Variants in RIMBP2 observed in about 807,000 individuals in gnomAD.
RIMBP2 encodes the protein RIMS binding protein 2.
RIMBP2 carries 48 observed loss-of-function variants against 118.6 expected under a neutral mutation model. The observed-to-expected ratio is 0.40, with a 90% CI of 0.32 to 0.51. The LOEUF (loss-of-function observed/expected upper bound fraction) is 0.51, where lower values mean the gene tolerates loss of function less well. Among genes scored for constraint, RIMBP2 ranks in the 20% least tolerant of loss-of-function variants. The pLI, the probability that RIMBP2 is intolerant of heterozygous loss-of-function variation, is 0.41. For missense variants in RIMBP2, 1,551 were observed against 1,768.3 expected, an observed-to-expected ratio of 0.88 and a Z score of 2.20; for synonymous variants, 762 against 742.9, an observed-to-expected ratio of 1.03 and a Z score of -0.42.
At chr12:130,682,187 C>T (rs186475284) in intron 1 of RIMBP2, among the ~76,000 whole-genome samples, 2 of 152,194 alleles carry the variant, frequency 1.3e-5, no homozygotes, top group Non-Finnish European at 2.9e-5. Flanking sequence ...CTTTCCTAGA[C>T]AGACAGCCTC....
intron 2 of RIMBP2, among the ~76,000 whole-genome samples, chr12:130,533,206 C>T (rs975659211): frequency 4.6e-5 from 7 of 151,778 alleles, no homozygotes; most frequent in African/African-American, 7.3e-5. Flanking sequence ...CTAGGAGTTA[C>T]GTCTAATGAG....
At chr12:130,439,198 A>G (rs945034853) in intron 11 of RIMBP2, among the ~76,000 whole-genome samples, 6 of 82,718 alleles carry the variant, frequency 7.3e-5, no homozygotes, top group South Asian at 8.0e-4. Context: ...TAATGTGTGC[A>G]TATATGTGTA....
At chr12:130,573,915 C>T (rs965869244) in intron 2 of RIMBP2, among the ~76,000 whole-genome samples, 1 of 152,122 alleles carries the variant, frequency 6.6e-6, no homozygotes, top group African/African-American at 2.4e-5. Flanking sequence ...CCACCCACAT[C>T]CCTGCAGGCA....
rs1261684213 is a variant in RIMBP2 at position 130,646,371 on chromosome 12, C to T, written c.-351-17915G>A. Among the ~76,000 whole-genome samples the T allele has an allele frequency of 1.2e-4, 15 of 129,848 alleles. 4 individuals are homozygous for T. The highest frequency in any genetic ancestry group is 2.4e-4 in the Admixed American group (3 of 12,498). The allele number at this position is 129,848 out of a possible 152,430, so 85.2% of individuals were successfully genotyped here. ...ACCACCTCCCTCACCACCTCCCTCA[C>T]CACCTCCCTCACCACCTCCCTCACC... is the stretch of plus-strand genomic sequence containing the variant. On this transcript the variant is annotated intron_variant, in intron 1 of 22. Transcript: ENST00000690449.
Position 130,664,415 on chromosome 12 carries a change from A to ACACGCACACGCACGCACG in RIMBP2, c.-351-35960_-351-35959insCGTGCGTGCGTGTGCGTG, listed in dbSNP as rs1555320883. On this transcript the variant is annotated intron_variant, in intron 1 of 22. Coordinates refer to ENST00000690449, the MANE Select transcript of RIMBP2 (RefSeq NM_001393629.1). ...CACACACACGCACGCACGCACGCAC[A>ACACGCACACGCACGCACG]CACACGCACACACATGCATGCACGC... Among the ~76,000 whole-genome samples the ACACGCACACGCACGCACG allele has an allele frequency of 7.5e-4, 98 of 130,576 alleles. 1 individual carries two copies. The highest frequency in any genetic ancestry group is 4.0e-3 in the Middle Eastern group (1 of 252). 85.7% of individuals were successfully genotyped at this position (130,576 alleles called of 152,430 possible). A position where few individuals can be genotyped will look rare whatever the true frequency, so the allele number is the denominator to read the frequency against.
intron 5 of RIMBP2, among the ~76,000 whole-genome samples, chr12:130,473,965 C>T (rs1358888226): frequency 2.0e-5 from 3 of 152,124 alleles, no homozygotes; most frequent in Non-Finnish European, 2.9e-5. Flanking sequence ...AACTGTAGAC[C>T]GAAGTAAAAT....
At chr12:130,663,555 A>G (rs1420771948) in intron 1 of RIMBP2, among the ~76,000 whole-genome samples, 2 of 151,764 alleles carry the variant, frequency 1.3e-5, no homozygotes, top group African/African-American at 2.4e-5. Flanking sequence ...AAAAGACACT[A>G]AAATGCCACT....
At chr12:130,520,272 C>T (rs1311967913) in intron 2 of RIMBP2, among the ~76,000 whole-genome samples, 1 of 152,130 alleles carries the variant, frequency 6.6e-6, no homozygotes, top group Non-Finnish European at 1.5e-5. Context: ...CCAGGAAACA[C>T]CAACCCATGA....
chr12:130,583,112 T>C (rs1471329867), intron 2 of RIMBP2, among the ~76,000 whole-genome samples: 2 of 152,074 alleles, frequency 1.3e-5, no homozygotes, highest in Non-Finnish European at 2.9e-5. Flanking sequence ...CAATGAGAGG[T>C]GCACAGTTCT....
intron 4 of RIMBP2, among the ~76,000 whole-genome samples, chr12:130,486,191 CA>C (rs1303113034): frequency 6.6e-6 from 1 of 152,138 alleles, no homozygotes; most frequent in Admixed American, 6.6e-5. Context: ...GGAGTCCCTG[CA>C]GCCCGAACCC....
At chr12:130,481,224 T>C (rs954262731) in intron 4 of RIMBP2, among the ~76,000 whole-genome samples, 5 of 131,052 alleles carry the variant, frequency 3.8e-5, no homozygotes, top group African/African-American at 5.5e-5. Flanking sequence ...GCTGATTACA[T>C]TCTTCTTGCC....
intron 18 of RIMBP2, among the ~76,000 whole-genome samples, chr12:130,413,501 C>T (rs1490653970): frequency 1.3e-5 from 2 of 151,860 alleles, no homozygotes; most frequent in Admixed American, 6.6e-5. Context: ...GGTGTGATGG[C>T]GCGCATCTGT....
At position 130,550,130 on chromosome 12, in the gene RIMBP2, G is replaced by A. The variant is rs75675942; in HGVS notation, c.-216-32213C>T. 4.6e-4 allele frequency among the ~76,000 whole-genome samples: 70 copies of A among 152,248 alleles called. No individual in the cohort carries two copies. In the East Asian group the frequency reaches 0.01, roughly 22 times the overall value. ...CTTCTGAAAACAAAGGGTAGTTATC[G>A]ACTACATTGGAACTATGGGAGGAGA... On this transcript the variant is annotated intron_variant, in intron 2 of 22. Coordinates refer to ENST00000690449, the MANE Select transcript of RIMBP2 (RefSeq NM_001393629.1).
chr12:130,471,926 G>A (rs1158029422), intron 5 of RIMBP2: 4 of 153,380 alleles, frequency 2.6e-5, no homozygotes, highest in Admixed American at 6.5e-5. Context: ...GGCCTACGGA[G>A]GGCAATGGGC....
intron 2 of RIMBP2, among the ~76,000 whole-genome samples, chr12:130,527,534 G>A (rs771557401): frequency 6.6e-6 from 1 of 152,162 alleles, no homozygotes; most frequent in African/African-American, 2.4e-5. Context: ...AAGCTCAAGT[G>A]GAAAAATATA....
chr12:130,632,770 C>T (rs1226528442), intron 1 of RIMBP2, among the ~76,000 whole-genome samples: 2 of 152,206 alleles, frequency 1.3e-5, no homozygotes, highest in African/African-American at 4.8e-5. Context: ...TGGGGCTGTG[C>T]ATAACCAACC....
intron 1 of RIMBP2, among the ~76,000 whole-genome samples, chr12:130,686,960 G>T (rs1009083869): frequency 2.6e-5 from 4 of 152,214 alleles, no homozygotes; most frequent in African/African-American, 9.7e-5. Flanking sequence ...GCGCTCGCTG[G>T]GAAGCATTTG....
At chr12:130,646,109 A>C (rs1457842017) in intron 1 of RIMBP2, among the ~76,000 whole-genome samples, 2 of 127,176 alleles carry the variant, frequency 1.6e-5, no homozygotes, top group African/African-American at 2.9e-5. Context: ...CTCCCTCTCC[A>C]CCTCCCTCAC....
Position 130,397,262 on chromosome 12 carries a change from G to T in RIMBP2, c.*99C>A, listed in dbSNP as rs754357476. ...GCATTTCTCTACTGGTGTCAGGGGA[G>T]AAGATTGGGTTTTTTTAGGAAGTAC... On this transcript the variant is annotated 3_prime_UTR_variant, in exon 23 of 23. Transcript: ENST00000690449. 3 of 396,044 alleles carry T rather than the reference G, an allele frequency of 7.6e-6. No homozygotes were observed. The highest frequency in any genetic ancestry group is 1.3e-5 in the Non-Finnish European group (3 of 224,734). 24.5% of individuals were successfully genotyped at this position (396,044 alleles called of 1,614,324 possible). A position where few individuals can be genotyped will look rare whatever the true frequency, so the allele number is the denominator to read the frequency against.
Sources: allele counts gnomAD v4.1 joint callset (sites outside exome capture counted in the v4.1 genomes callset), GRCh38; gene constraint gnomAD v4.1.1; transcripts MANE v1.5; gene names NCBI Gene and HGNC (gene_info 2026-07-23, HGNC 2026-07-21).